Variants in CFH observed in about 807,000 individuals in gnomAD.
CFH encodes the protein complement factor H.
CFH carries 53 observed loss-of-function variants against 147.3 expected under a neutral mutation model. That is an observed-to-expected ratio of 0.36 (90% CI 0.29 to 0.45). The LOEUF is 0.45. Ranked by LOEUF, CFH falls within the 20% of genes least tolerant of loss-of-function variation. The pLI is 1.00. For missense variants in CFH, 1,380 were observed against 1,498.0 expected, an observed-to-expected ratio of 0.92 and a Z score of 1.30; for synonymous variants, 536 against 489.4, an observed-to-expected ratio of 1.10 and a Z score of -1.26.
Position 196,743,555 on chromosome 1 carries a change from C to T in CFH, c.3237C>T (p.Ser1079=). 6.2e-7 allele frequency: 1 copy of T among 1,613,964 alleles called. No homozygotes were observed. Among genetic ancestry groups the T allele is most frequent in the Non-Finnish European group, 8.5e-7 (1 of 1,179,924 alleles). The change falls in exon 20 of 22, where the codon AGC becomes AGT. Residue 1079 remains serine, a synonymous_variant. Coordinates refer to ENST00000367429, the MANE Select transcript of CFH (RefSeq NM_000186.4). ...AGAGAGTACGTTATCAATGTAGGAG[C>T]CCTTATGAAATGTTTGGGGATGAAG... The part of the protein sequence containing the change: ...SGERVRYQCR[S]PYEMFGDEEV...
rs1652992347 is a variant in CFH, at chr1:196,746,058, CTGTT to C, written c.3493+63_3493+66del. On this transcript the variant is annotated intron_variant, in intron 21 of 21. Coordinates refer to ENST00000367429, the MANE Select transcript of CFH (RefSeq NM_000186.4). ...TCTCTGTGATGAGTCTGATATTTCA[CTGTT>C]TGTAACAAAATACTCACAGATTATT... The C allele has an allele frequency of 7.4e-6, 12 of 1,611,144 alleles. No homozygotes were observed. In the African/African-American group the frequency reaches 1.2e-4, roughly 16 times the overall value.
chr1:196,706,466 A>G (rs1668591344), intron 9 of CFH, among the ~76,000 whole-genome samples: 1 of 152,130 alleles, frequency 6.6e-6, no homozygotes, highest in African/African-American at 2.4e-5. Flanking sequence ...AAAATGCCCA[A>G]AGCCTTCCTA....
chr1:196,706,452 G>A (rs1302270005), intron 9 of CFH, among the ~76,000 whole-genome samples: 4 of 151,778 alleles, frequency 2.6e-5, no homozygotes, highest in Admixed American at 1.3e-4. Flanking sequence ...GGTGAACAGA[G>A]AAAAAAATGC....
intron 9 of CFH, among the ~76,000 whole-genome samples, chr1:196,693,820 G>A (rs1010305655): frequency 6.6e-6 from 1 of 152,006 alleles, no homozygotes; most frequent in Non-Finnish European, 1.5e-5. Flanking sequence ...ATCCATTCAT[G>A]TGTTGAAGGG....
intron 1 of CFH, among the ~76,000 whole-genome samples, chr1:196,658,719 C>G (rs1666803076): frequency 6.6e-6 from 1 of 152,000 alleles, no homozygotes; most frequent in East Asian, 1.9e-4. Flanking sequence ...GCCACCGCGC[C>G]CGGCCTGCTC....
In CFH at chr1:196,737,143, C is replaced by T. The variant is rs866918924; in HGVS notation, c.2596+137C>T. On this transcript the variant is annotated intron_variant, in intron 16 of 21. Coordinates refer to ENST00000367429, the MANE Select transcript of CFH (RefSeq NM_000186.4). ...GACAAAATAAATTAGGACCTAGGCA[C>T]ATTAATCAATCACCACTCTTTCAGT... 1.1e-4 allele frequency: 83 copies of T among 769,664 alleles called. 1 individual carries two copies. The South Asian group carries it at 1.4e-3, about 13-fold the overall frequency. 47.7% of individuals were successfully genotyped at this position (769,664 alleles called of 1,614,324 possible).
chr1:196,723,050 A>C (rs1669039250), intron 11 of CFH, among the ~76,000 whole-genome samples: 2 of 152,080 alleles, frequency 1.3e-5, no homozygotes, highest in African/African-American at 2.4e-5. Context: ...TAAAATAAAT[A>C]TTTTAAATTC....
intron 9 of CFH, among the ~76,000 whole-genome samples, chr1:196,698,141 A>G (rs1344439254): frequency 1.3e-5 from 2 of 152,118 alleles, no homozygotes; most frequent in African/African-American, 2.4e-5. Context: ...GTACCCTAAA[A>G]CTTAAAGTAT....
intron 7 of CFH, among the ~76,000 whole-genome samples, chr1:196,688,294 TATA>T (rs772394914): frequency 4.7e-4 from 72 of 152,188 alleles, no homozygotes; most frequent in Admixed American, 1.4e-3. Flanking sequence ...AAAATTAATA[TATA>T]ATAACTCAGT....
Position 196,728,387 on chromosome 1 carries a change from A to T in CFH, c.2278A>T (p.Ile760Leu), listed in dbSNP as rs772553879. 22 of 1,583,552 alleles carry T rather than the reference A, an allele frequency of 1.4e-5. No homozygotes were observed. The highest frequency in any genetic ancestry group is 6.9e-5 in the South Asian group (6 of 87,488). ...LKKCKSSNLIILEEHLKNKKE... is the reference protein window; with the variant it reads ...LKKCKSSNLILLEEHLKNKKE... The stretch of plus-strand genomic sequence containing the variant: ...GAAGTGCAAATCATCAAATTTAATT[A>T]TACTTGAGGAACATTTAAAAAACAA... Residue 760 changes from isoleucine (I) to leucine (L), a missense_variant, in exon 15 of 22, where the codon ATA becomes TTA. This residue lies in a region of CFH where 830 missense variants were observed against 821.4 expected (regional missense o/e 1.01). Transcript: ENST00000367429.
At position 196,690,094 on chromosome 1, in the gene CFH, A is replaced by T. The variant is rs1427919698; in HGVS notation, c.1191A>T (p.Gly397=). 1.2e-6 allele frequency: 2 copies of T among 1,611,086 alleles called. No homozygotes were observed. ...GTTATTTTCCTTATTTGGAAAATGGATATAATCAAAATCATGGAAGAAAGT... is the reference window on the plus strand; with the variant it reads ...GTTATTTTCCTTATTTGGAAAATGGTTATAATCAAAATCATGGAAGAAAGT... The part of the protein sequence containing the change: ...RKCYFPYLEN[G]YNQNHGRKFV... The change falls in exon 9 of 22, where the codon GGA becomes GGT. Residue 397 remains glycine (G), a synonymous_variant. Transcript: ENST00000367429.
At chr1:196,699,911 G>C (rs1004812385) in intron 9 of CFH, among the ~76,000 whole-genome samples, 3 of 152,254 alleles carry the variant, frequency 2.0e-5, no homozygotes, top group Admixed American at 2.0e-4. Flanking sequence ...CTTATAGCTG[G>C]TCACTGATTA....
At chr1:196,712,586 C>T (rs192659564) in intron 9 of CFH, among the ~76,000 whole-genome samples, 20 of 151,330 alleles carry the variant, frequency 1.3e-4, no homozygotes, top group Non-Finnish European at 1.8e-4. Flanking sequence ...ACCTAGTAAA[C>T]GACAGTAATT....
chr1:196,682,591 A>G (rs1667693506), intron 6 of CFH, among the ~76,000 whole-genome samples: 1 of 151,650 alleles, frequency 6.6e-6, no homozygotes, highest in African/African-American at 2.4e-5. Context: ...GAGCTATATC[A>G]TAAGGAAAAA....
At chr1:196,744,150 T>A (rs1652919417) in intron 20 of CFH, among the ~76,000 whole-genome samples, 1 of 151,848 alleles carries the variant, frequency 6.6e-6, no homozygotes, top group South Asian at 2.1e-4. Flanking sequence ...CTCACCTTTA[T>A]GTTTTAAAAT....
intron 1 of CFH, among the ~76,000 whole-genome samples, chr1:196,664,068 C>T (rs560278754): frequency 1.3e-5 from 2 of 151,698 alleles, no homozygotes; most frequent in Admixed American, 6.6e-5. Context: ...TGTTTTTTTC[C>T]CCTTTTGTGA....
chr1:196,714,389 C>T (rs1668796237), intron 10 of CFH, among the ~76,000 whole-genome samples: 1 of 150,940 alleles, frequency 6.6e-6, no homozygotes, highest in South Asian at 2.1e-4. Flanking sequence ...GAATATCTTC[C>T]CTCTTAGAAA....
chr1:196,728,616 A>G, intron 15 of CFH, 94 bp downstream of exon 15: 1 of 1,213,188 alleles, frequency 8.2e-7, no homozygotes, highest in Non-Finnish European at 1.2e-6. Context: ...GCTATTTATT[A>G]TTACAAATGC....
intron 18 of CFH, 185 bp downstream of exon 18, chr1:196,740,977 A>C (rs1474125474): frequency 3.2e-6 from 2 of 622,122 alleles, no homozygotes; most frequent in Non-Finnish European, 5.7e-6. Context: ...AAATTAGTTC[A>C]TTTTCACATC....
Sources: allele counts gnomAD v4.1 joint callset (sites outside exome capture counted in the v4.1 genomes callset), GRCh38; gene constraint gnomAD v4.1.1; regional missense constraint gnomAD v4.1.1; transcripts MANE v1.5; gene names NCBI Gene and HGNC (gene_info 2026-07-23, HGNC 2026-07-21).